The following MYDGF variants were observed in gnomAD, a reference collection of about 807,000 sequenced individuals.
The protein encoded by MYDGF is myeloid-derived growth factor.
Under a neutral mutation model 24.2 loss-of-function variants are expected in MYDGF, and 29 were observed. That is an observed-to-expected ratio of 1.20 (90% confidence interval 0.89 to 1.63). The LOEUF (loss-of-function observed/expected upper bound fraction) is 1.63. Ranked by LOEUF, MYDGF falls within the 40% of genes most tolerant of loss-of-function variation. The pLI is 0.00. For missense variants in MYDGF, 245 were observed against 234.8 expected, an observed-to-expected ratio of 1.04 and a Z score of -0.29; for synonymous variants, 105 against 102.5, an observed-to-expected ratio of 1.02 and a Z score of -0.15.
intron 5 of MYDGF, among the ~76,000 whole-genome samples, chr19:4,658,534 C>A (rs1261006077): frequency 5.3e-5 from 8 of 152,194 alleles, no homozygotes; most frequent in Non-Finnish European, 1.0e-4. Context: ...GCTTCCACTG[C>A]TTCACCCAAG....
intron 2 of MYDGF, among the ~76,000 whole-genome samples, chr19:4,665,498 C>G (rs765379370): frequency 1.1e-4 from 17 of 152,150 alleles, no homozygotes; most frequent in Non-Finnish European, 2.4e-4. Flanking sequence ...AGCCACCATG[C>G]CAGGCCTAAG....
At chr19:4,663,609 A>G (rs140006947) in intron 3 of MYDGF, among the ~76,000 whole-genome samples, 1 of 26,536 alleles carries the variant, frequency 3.8e-5, no homozygotes, top group African/African-American at 1.6e-4. Flanking sequence ...CACCCACCCC[A>G]TCCTCATTCT....
intron 1 of MYDGF, among the ~76,000 whole-genome samples, chr19:4,669,431 A>G (rs1193129353): frequency 1.3e-5 from 2 of 152,118 alleles, no homozygotes; most frequent in East Asian, 3.9e-4. Flanking sequence ...AGCCTGGGCG[A>G]CAGAGTGAGG....
At chr19:4,663,776 C>T (rs947075519) in intron 3 of MYDGF, among the ~76,000 whole-genome samples, 2 of 111,498 alleles carry the variant, frequency 1.8e-5, no homozygotes, top group African/African-American at 8.1e-5. Context: ...CCCTCCCCAC[C>T]CACCCCATCC....
At chr19:4,665,899 T>A (rs573957406) in intron 2 of MYDGF, among the ~76,000 whole-genome samples, 11 of 145,394 alleles carry the variant, frequency 7.6e-5, no homozygotes, top group African/African-American at 2.7e-4. Context: ...AGCTGAACTA[T>A]CGTGAGATAC....
intron 4 of MYDGF, 92 bp from the exon 5 acceptor site, chr19:4,660,095 T>G: frequency 8.1e-7 from 1 of 1,238,882 alleles, no homozygotes; most frequent in Non-Finnish European, 1.2e-6. Flanking sequence ...AAGCACAGAC[T>G]AAAGCTTTCT....
chr19:4,662,168 C>T (rs540661535), intron 3 of MYDGF, among the ~76,000 whole-genome samples: 4 of 152,294 alleles, frequency 2.6e-5, no homozygotes, highest in Non-Finnish European at 2.9e-5. Flanking sequence ...CCGCAGGGCA[C>T]GGCGGGACAA....
At chr19:4,667,121 CTTTTTTT>C (rs57093750) in intron 2 of MYDGF, among the ~76,000 whole-genome samples, 35 of 102,170 alleles carry the variant, frequency 3.4e-4, no homozygotes, top group Non-Finnish European at 4.8e-4. Context: ...TCAAATCACC[CTTTTTTT>C]TTTTTTTTTT....
At chr19:4,666,830 C>T (rs958160204) in intron 2 of MYDGF, among the ~76,000 whole-genome samples, 4 of 152,204 alleles carry the variant, frequency 2.6e-5, no homozygotes. Context: ...CTTTGGGAGG[C>T]CGAGGCAGGC....
chr19:4,665,076 C>G, intron 2 of MYDGF, 139 bp from the exon 3 acceptor site: 1 of 899,140 alleles, frequency 1.1e-6, no homozygotes, highest in Non-Finnish European at 1.7e-6. Context: ...TCCCCTGCCC[C>G]GCCCTCCTGG....
intron 5 of MYDGF, among the ~76,000 whole-genome samples, chr19:4,658,603 C>T (rs576350411): frequency 5.3e-5 from 8 of 152,222 alleles, no homozygotes; most frequent in South Asian, 2.1e-4. Context: ...CCCAGCTCGG[C>T]GCCTCCGATT....
intron 3 of MYDGF, among the ~76,000 whole-genome samples, chr19:4,663,471 CCCA>C (rs1430215794): frequency 7.4e-5 from 10 of 135,030 alleles, no homozygotes; most frequent in Non-Finnish European, 7.9e-5. Context: ...CCCTCCCCAC[CCCA>C]TCCTCATTCT....
Position 4,670,193 on chromosome 19 carries a change from C to A in MYDGF, c.142G>T (p.Val48Leu). 1 of 1,555,714 alleles carries A rather than the reference C, an allele frequency of 6.4e-7. No individual in the cohort carries two copies. The highest frequency in any genetic ancestry group is 8.7e-7 in the Non-Finnish European group (1 of 1,154,100). ...VAFDVRPGGV[V>L]HSFSHNVGPG... ...CCCACGTTATGGGAGAAGGAATGCA[C>A]GACGCCGCCGGGCCGCACGTCAAAC... Residue 48 changes from valine to leucine, a missense_variant, in exon 1 of 6, where the codon GTG (valine) becomes TTG (leucine). By Grantham distance (32) the Val-to-Leu change is conservative. Coordinates refer to ENST00000262947, the MANE Select transcript of MYDGF (RefSeq NM_019107.4).
rs1423360488 is a variant in MYDGF at position 4,670,322 on chromosome 19, T to C, written c.13A>G (p.Ser5Gly). The C allele has an allele frequency of 3.4e-6, 5 of 1,462,402 alleles. No individual in the cohort carries two copies. In the African/African-American group the frequency reaches 5.9e-5, roughly 17 times the overall value. 90.6% of individuals were successfully genotyped at this position (1,462,402 alleles called of 1,614,324 possible). MAAP[S>G]GGWNGVGASL... ...GCGCCGACGCCGTTCCACCCTCCGCTGGGCGCCGCCATGTTGGACTAGGGT... is the reference window on the plus strand; with the variant it reads ...GCGCCGACGCCGTTCCACCCTCCGCCGGGCGCCGCCATGTTGGACTAGGGT... The change falls in exon 1 of 6, where the codon AGC becomes GGC. Residue 5 changes from serine to glycine, a missense_variant. Ser to Gly is a moderately conservative substitution (Grantham distance 56). Coordinates refer to ENST00000262947, the MANE Select transcript of MYDGF (RefSeq NM_019107.4).
At chr19:4,660,503 G>A (rs2088461261) in intron 4 of MYDGF, 166 bp downstream of exon 4, 1 of 611,776 alleles carries the variant, frequency 1.6e-6, no homozygotes, top group Non-Finnish European at 2.8e-6. Flanking sequence ...CCTGGCCTGG[G>A]GGCGTCTGTG....
At chr19:4,660,586 A>T in intron 4 of MYDGF, 83 bp downstream of exon 4, 1 of 1,290,066 alleles carries the variant, frequency 7.8e-7, no homozygotes, top group Non-Finnish European at 1.1e-6. Flanking sequence ...GTCCCCATGG[A>T]GCCCTCTTGT....
chr19:4,660,683 A>G lies in MYDGF; in HGVS notation c.355T>C (p.Tyr119His). 1 of 1,614,008 alleles carries G rather than the reference A, an allele frequency of 6.2e-7. No individual in the cohort carries two copies. Among genetic ancestry groups the G allele is most frequent in the South Asian group, 1.1e-5 (1 of 91,076 alleles). Residue 119 changes from tyrosine (Y) to histidine (H), a missense_variant, in exon 4 of 6, where the codon TAC (tyrosine) becomes CAC (histidine). Coordinates refer to ENST00000262947, the MANE Select transcript of MYDGF (RefSeq NM_019107.4). ...AAGATACTCACGTAGGCCATGGCGT[A>G]CTCAATCTCAGCGCCCCGCACCTCT... The part of the protein sequence containing the change: ...KAEVRGAEIE[Y>H]AMAYSKAAFE...
At position 4,668,937 on chromosome 19, in the gene MYDGF, G is replaced by A. The variant is rs570825136; in HGVS notation, c.175-292C>T. Among the ~76,000 whole-genome samples, 288 of 150,802 alleles carry A rather than the reference G, an allele frequency of 1.9e-3. 3 individuals are homozygous for A. The highest frequency in any genetic ancestry group is 6.6e-3 in the African/African-American group (270 of 40,872). ...CAGCTCACTGCAACTTCTGCCTCCC[G>A]GGTTCAAACGATTCTCCTGCCTCAG... On this transcript the variant is annotated intron_variant, in intron 1 of 5. Coordinates refer to ENST00000262947, the MANE Select transcript of MYDGF (RefSeq NM_019107.4).
rs779054337 is a variant in MYDGF at position 4,668,606 on chromosome 19, C to T, written c.214G>A (p.Gly72Arg). ...TTTGAACAACTCACCTCATTGGTCC[C>T]TCCTTGAGAGGCGTAAGTGAACATA... is the stretch of plus-strand genomic sequence containing the variant. ...TCMFTYASQG[G>R]TNEQWQMSLG... The change falls in exon 2 of 6, where the codon GGG becomes AGG. Residue 72 changes from glycine (G) to arginine (R), a missense_variant. Coordinates refer to ENST00000262947, the MANE Select transcript of MYDGF (RefSeq NM_019107.4). The T allele has an allele frequency of 6.2e-7, 1 of 1,613,042 alleles. No homozygotes were observed. Among genetic ancestry groups the T allele is most frequent in the Non-Finnish European group, 8.5e-7 (1 of 1,179,224 alleles).
Sources: allele counts gnomAD v4.1 joint callset (sites outside exome capture counted in the v4.1 genomes callset), GRCh38; gene constraint gnomAD v4.1.1; transcripts MANE v1.5; gene names NCBI Gene and HGNC (gene_info 2026-07-23, HGNC 2026-07-21).